Variants in EFEMP2 observed in about 807,000 individuals in gnomAD.
EFEMP2 encodes the protein EGF-containing fibulin-like extracellular matrix protein 2.
EFEMP2 carries 21 observed loss-of-function variants against 55.3 expected under a neutral mutation model. That is an observed-to-expected ratio of 0.38 (90% CI 0.27 to 0.55). The LOEUF (loss-of-function observed/expected upper bound fraction) is 0.55, where lower values mean the gene tolerates loss of function less well. Ranked by LOEUF, EFEMP2 falls within the 20% of genes least tolerant of loss-of-function variation. The probability of loss-of-function intolerance (pLI) is 0.77; values close to 1 mark genes in which losing one functional copy is unlikely to be tolerated. For synonymous variants in EFEMP2, 275 were observed against 242.3 expected (o/e 1.14, Z -1.25); for missense variants, 513 against 615.1 (o/e 0.83, Z 1.76).
chr11:65,870,392 G>A (rs749512099), intron 5 of EFEMP2, 144 bp downstream of exon 5: 30 of 1,444,444 alleles, frequency 2.1e-5, no homozygotes, highest in Non-Finnish European at 2.7e-5. Context: ...AACACTCCCC[G>A]CTACAGTCCT....
At position 65,866,801 on chromosome 11, in the gene EFEMP2, C is replaced by G; in HGVS notation, c.*117G>C. 1 of 1,359,678 alleles carries G rather than the reference C, an allele frequency of 7.4e-7. No individual in the cohort carries two copies. The allele number at this position is 1,359,678 out of a possible 1,614,324, so 84.2% of individuals were successfully genotyped here. ...CAGCCTGAGGCTTCCTGCAGTGTGA[C>G]CCGCCCACCTCAGCCACCAGGACTT... is the stretch of plus-strand genomic sequence containing the variant. On this transcript the variant is annotated 3_prime_UTR_variant, in exon 11 of 11. Transcript: ENST00000307998.
At chr11:65,870,508 G>T in intron 5 of EFEMP2, 28 bp downstream of exon 5, 1 of 1,613,544 alleles carries the variant, frequency 6.2e-7, no homozygotes, top group South Asian at 1.1e-5. Context: ...ACAAAGCCGG[G>T]ACTACAGAAG....
chr11:65,871,369 G>C lies in EFEMP2; in HGVS notation c.161-6C>G, dbSNP rs773745810. 153 of 1,613,920 alleles carry C rather than the reference G, an allele frequency of 9.5e-5. No individual in the cohort carries two copies. The highest frequency in any genetic ancestry group is 1.2e-4 in the Non-Finnish European group (140 of 1,179,898). On this transcript the variant is annotated splice_polypyrimidine_tract_variant and splice_region_variant and intron_variant, in intron 3 of 10. Coordinates refer to ENST00000307998, the MANE Select transcript of EFEMP2 (RefSeq NM_016938.5). The stretch of plus-strand genomic sequence containing the variant: ...GGTCAGACACTCGTTGACATCTGCA[G>C]AGAGGGGCCTGCTGGGCACAGCCAG...
Position 65,871,299 on chromosome 11 carries a change from G to A in EFEMP2, c.225C>T (p.Tyr75=), listed in dbSNP as rs755171433. The part of the protein sequence containing the change: ...CKGEMKCINH[Y]GGYLCLPRSA... ...AGCGGGGCAGGCACAAGTAGCCCCC[G>A]TAGTGGTTGATGCACTTCATTTCCC... is the stretch of plus-strand genomic sequence containing the variant. The change falls in exon 4 of 11, where the codon TAC becomes TAT. Residue 75 remains tyrosine, a synonymous_variant. Coordinates refer to ENST00000307998, the MANE Select transcript of EFEMP2 (RefSeq NM_016938.5). 12 of 1,614,084 alleles carry A rather than the reference G, an allele frequency of 7.4e-6. No individual in the cohort carries two copies. Among genetic ancestry groups the A allele is most frequent in the Admixed American group, 6.7e-5 (4 of 60,002 alleles).
chr11:65,866,716 A>C lies in EFEMP2; in HGVS notation c.*202T>G. On this transcript the variant is annotated 3_prime_UTR_variant, in exon 11 of 11. Coordinates refer to ENST00000307998, the MANE Select transcript of EFEMP2 (RefSeq NM_016938.5). ...CTGTCAATGGGGGCCCCTGGGCCTG[A>C]ACATATAGAGACCCCCATTTAGGTG... is the stretch of plus-strand genomic sequence containing the variant. 1 of 736,632 alleles carries C rather than the reference A, an allele frequency of 1.4e-6. No individual in the cohort carries two copies. The allele number at this position is 736,632 out of a possible 1,614,324, so 45.6% of individuals were successfully genotyped here.
rs630394 is a variant in EFEMP2, at chr11:65,870,513, C to G, written c.490+23G>C. The G allele has an allele frequency of 0.65, 1,045,218 of 1,612,866 alleles. 346,529 individuals are homozygous for G. Among genetic ancestry groups the G allele is most frequent in the Middle Eastern group, 0.73 (4,416 of 6,058 alleles). ...GACCAGGGACACAAAGCCGGGACTACAGAAGCTGCTTCCTGGACTCACCCA... is the reference window on the plus strand; with the variant it reads ...GACCAGGGACACAAAGCCGGGACTAGAGAAGCTGCTTCCTGGACTCACCCA... On this transcript the variant is annotated intron_variant, in intron 5 of 10. Transcript: ENST00000307998.
Position 65,868,064 on chromosome 11 carries a change from C to T in EFEMP2, c.975-8G>A, listed in dbSNP as rs1859891896. On this transcript the variant is annotated splice_region_variant and splice_polypyrimidine_tract_variant and intron_variant, in intron 9 of 10. Coordinates refer to ENST00000307998, the MANE Select transcript of EFEMP2 (RefSeq NM_016938.5). ...GCCGGGCAGAGACAGCGGCTAGAGA[C>T]CCCGAGGTGGGGGACACAAATGAGC... The T allele has an allele frequency of 1.9e-6, 3 of 1,613,276 alleles. No homozygotes were observed. In the African/African-American group the frequency reaches 4.0e-5, roughly 22 times the overall value.
rs751152300 is a variant in EFEMP2 at position 65,872,754 on chromosome 11, C to A, written c.-79G>T. On this transcript the variant is annotated 5_prime_UTR_variant, in exon 1 of 11. Coordinates refer to ENST00000307998, the MANE Select transcript of EFEMP2 (RefSeq NM_016938.5). ...GGCTCGGGCAATGCCTGCGGGCAGA[C>A]GGACGGGCGGACGGCACAGCTCCCT... is the stretch of plus-strand genomic sequence containing the variant. 2 of 329,986 alleles carry A rather than the reference C, an allele frequency of 6.1e-6. No homozygotes were observed. The highest frequency in any genetic ancestry group is 4.3e-5 in the South Asian group (2 of 46,760). 20.4% of individuals were successfully genotyped at this position (329,986 alleles called of 1,614,324 possible). A position where few individuals can be genotyped will look rare whatever the true frequency, so the allele number is the denominator to read the frequency against.
At chr11:65,870,058 G>A in intron 6 of EFEMP2, 63 bp downstream of exon 6, 1 of 1,613,090 alleles carries the variant, frequency 6.2e-7, no homozygotes, top group South Asian at 1.1e-5. Flanking sequence ...GGTCAAGAAG[G>A]GAGCGCCCCC....
chr11:65,872,398 C>A, intron 1 of EFEMP2, 37 bp from the exon 2 acceptor site: 1 of 1,417,430 alleles, frequency 7.1e-7, no homozygotes, highest in Non-Finnish European at 9.7e-7. Context: ...GGCCTCTGCC[C>A]GCGGCACCTC....
chr11:65,868,497 G>A lies in EFEMP2; in HGVS notation c.847+13C>T, dbSNP rs762497696. ...TGACACCGTCCTGCCCATCCCACCC[G>A]GGCAACCTGTACCTTGGCAGAGGCG... On this transcript the variant is annotated intron_variant, in intron 8 of 10. Coordinates refer to ENST00000307998, the MANE Select transcript of EFEMP2 (RefSeq NM_016938.5). The A allele has an allele frequency of 7.4e-6, 12 of 1,613,782 alleles. No homozygotes were observed. Among genetic ancestry groups the A allele is most frequent in the Admixed American group, 6.7e-5 (4 of 60,008 alleles).
intron 1 of EFEMP2, 49 bp from the exon 2 acceptor site, chr11:65,872,410 A>C: frequency 7.5e-7 from 1 of 1,328,796 alleles, no homozygotes; most frequent in South Asian, 1.3e-5. Context: ...CGGCACCTCA[A>C]CTCCCTGTAC....
chr11:65,872,057 A>G (rs1317048726), intron 2 of EFEMP2, 39 bp from the exon 3 acceptor site: 2 of 1,551,012 alleles, frequency 1.3e-6, no homozygotes, highest in Non-Finnish European at 1.7e-6. Context: ...TCACCCTAAG[A>G]TCTCCTCCAA....
At chr11:65,871,722 A>C in intron 3 of EFEMP2, 1 of 604,386 alleles carries the variant, frequency 1.7e-6, no homozygotes, top group Admixed American at 2.9e-5. Flanking sequence ...GGTTCAGAGA[A>C]GGCGTACAGG....
At chr11:65,870,693 C>G in intron 4 of EFEMP2, 35 bp from the exon 5 acceptor site, 1 of 1,613,514 alleles carries the variant, frequency 6.2e-7, no homozygotes, top group Non-Finnish European at 8.5e-7. Context: ...TGCCTGGGAT[C>G]CCGCACACCA....
In EFEMP2 at chr11:65,871,346, TCAGA is replaced by T; in HGVS notation, c.174_177del (p.Cys58Ter). ...TCCCCCTTGCAGGCCTCAGGGATGGTCAGACACTCGTTGACATCTGCAGAGAGGG... is the reference window on the plus strand; with the variant it reads ...TCCCCCTTGCAGGCCTCAGGGATGGTCACTCGTTGACATCTGCAGAGAGGG... On this transcript the variant is annotated frameshift_variant, in exon 4 of 11. Transcript: ENST00000307998. LOFTEE classifies it high-confidence loss of function. 6.2e-7 allele frequency: 1 copy of T among 1,614,102 alleles called. No homozygotes were observed. Among genetic ancestry groups the T allele is most frequent in the East Asian group, 2.2e-5 (1 of 44,878 alleles).
At chr11:65,871,490 C>A in intron 3 of EFEMP2, 127 bp from the exon 4 acceptor site, 2 of 909,248 alleles carry the variant, frequency 2.2e-6, no homozygotes, top group South Asian at 2.9e-5. Flanking sequence ...CTCTGCTCAA[C>A]AAGCTAAGTC....
intron 3 of EFEMP2, 98 bp from the exon 4 acceptor site, chr11:65,871,461 C>T (rs1859964529): frequency 1.7e-6 from 2 of 1,173,286 alleles, no homozygotes; most frequent in East Asian, 2.3e-5. Context: ...AGATGTGTGG[C>T]CCCAGCAAAG....
chr11:65,869,606 G>A (rs1859927492), intron 7 of EFEMP2: 1 of 552,880 alleles, frequency 1.8e-6, no homozygotes, highest in South Asian at 1.9e-5. Flanking sequence ...AGCCTGATAT[G>A]TGGGACAGGT....
Sources: allele counts gnomAD v4.1 joint callset, GRCh38; gene constraint gnomAD v4.1.1; transcripts MANE v1.5; gene names NCBI Gene and HGNC (gene_info 2026-07-23, HGNC 2026-07-21).